Variants in TYW1B observed in about 807,000 individuals in gnomAD.
The protein encoded by TYW1B is tRNA-yW synthesizing protein 1 homolog B.
Under a neutral mutation model 86.9 loss-of-function variants are expected in TYW1B, and 73 were observed. The observed-to-expected ratio is 0.84, with a 90% CI of 0.70 to 1.02. The LOEUF is 1.02. Ranked by LOEUF, TYW1B falls within the 50% of genes least tolerant of loss-of-function variation. The pLI, the probability that TYW1B is intolerant of heterozygous loss-of-function variation, is 0.00. For missense variants in TYW1B, 637 were observed against 827.4 expected (o/e 0.77, Z 2.82); for synonymous variants, 248 against 292.8 (o/e 0.85, Z 1.56).
At chr7:72,656,667 G>A (rs1239471382) in intron 11 of TYW1B, among the ~76,000 whole-genome samples, 38 of 152,064 alleles carry the variant, frequency 2.5e-4, no homozygotes, top group South Asian at 6.2e-4. Context: ...GAAGAAAAGA[G>A]GTTTAATTAG....
intron 13 of TYW1B, among the ~76,000 whole-genome samples, chr7:72,592,354 T>C (rs1281782276): frequency 6.6e-6 from 1 of 152,090 alleles, no homozygotes; most frequent in Admixed American, 6.6e-5. Context: ...CTTTAGAATG[T>C]TAAATGCAAT....
intron 13 of TYW1B, among the ~76,000 whole-genome samples, chr7:72,613,198 A>AT (rs1242367164): frequency 6.6e-6 from 1 of 152,088 alleles, no homozygotes; most frequent in African/African-American, 2.4e-5. Flanking sequence ...ATCTGCCTAG[A>AT]TTAGGGGTTG....
chr7:72,794,490 A>G (rs1376960546), intron 6 of TYW1B, among the ~76,000 whole-genome samples: 2 of 151,634 alleles, frequency 1.3e-5, no homozygotes, highest in Non-Finnish European at 2.9e-5. Flanking sequence ...TGGGAGGCAG[A>G]GGTTGCAGTG....
At chr7:72,758,497 T>C (rs1787632858) in intron 7 of TYW1B, among the ~76,000 whole-genome samples, 1 of 152,138 alleles carries the variant, frequency 6.6e-6, no homozygotes. Flanking sequence ...GTTTGTTATC[T>C]GGTTCACATA....
intron 6 of TYW1B, among the ~76,000 whole-genome samples, chr7:72,779,060 A>G (rs1554471179): frequency 6.6e-6 from 1 of 151,840 alleles, no homozygotes; most frequent in African/African-American, 2.4e-5. Flanking sequence ...GGAGATACTC[A>G]TCAAATCTTA....
At chr7:72,596,203 A>AAAAAAAAAAAAAAAAAC (rs1811529050) in intron 13 of TYW1B, among the ~76,000 whole-genome samples, 1 of 146,636 alleles carries the variant, frequency 6.8e-6, no homozygotes, top group Admixed American at 6.9e-5. Context: ...AAAAAAAAAA[A>AAAAAAAAAAAAAAAAAC]AGACATCAAC....
intron 13 of TYW1B, among the ~76,000 whole-genome samples, chr7:72,615,842 A>G (rs1211521229): frequency 6.6e-6 from 1 of 152,154 alleles, no homozygotes; most frequent in Non-Finnish European, 1.5e-5. Context: ...CAGGAGACAC[A>G]GCTGAAGCAA....
At chr7:72,606,610 C>A (rs1238643313) in intron 13 of TYW1B, among the ~76,000 whole-genome samples, 1 of 58,934 alleles carries the variant, frequency 1.7e-5, no homozygotes, top group Admixed American at 1.5e-4. Context: ...CAATAAGGCC[C>A]CCCCCCCGCC....
At chr7:72,767,647 T>G (rs1554468781) in intron 7 of TYW1B, among the ~76,000 whole-genome samples, 1 of 151,918 alleles carries the variant, frequency 6.6e-6, no homozygotes, top group South Asian at 2.1e-4. Context: ...AAAAAAAACT[T>G]TGTCTTCATT....
chr7:72,698,761 CCA>C (rs1814386648), intron 10 of TYW1B, among the ~76,000 whole-genome samples: 1 of 152,130 alleles, frequency 6.6e-6, no homozygotes, highest in South Asian at 2.1e-4. Context: ...ATGGCAAAAT[CCA>C]CAGTGTGGCT....
intron 9 of TYW1B, among the ~76,000 whole-genome samples, chr7:72,715,403 G>A (rs1563069313): frequency 6.6e-6 from 1 of 152,212 alleles, no homozygotes; most frequent in Non-Finnish European, 1.5e-5. Context: ...ATTCCAGCAT[G>A]CAGCTTGGTT....
At chr7:72,583,277 G>A (rs531141651) in intron 13 of TYW1B, among the ~76,000 whole-genome samples, 72 of 152,300 alleles carry the variant, frequency 4.7e-4, no homozygotes, top group Non-Finnish European at 9.3e-4. Context: ...TTGAACCCGG[G>A]AGGTGGAGGT....
chr7:72,776,230 C>T (rs1203300603), intron 7 of TYW1B, among the ~76,000 whole-genome samples: 1 of 152,048 alleles, frequency 6.6e-6, no homozygotes, highest in Admixed American at 6.6e-5. Flanking sequence ...TAGTACTGTA[C>T]GGTTCTTCTA....
At chr7:72,657,072 C>A (rs1379848464) in intron 11 of TYW1B, among the ~76,000 whole-genome samples, 2 of 152,064 alleles carry the variant, frequency 1.3e-5, no homozygotes, top group East Asian at 1.9e-4. Context: ...TTATGAAATG[C>A]CTGAAAAGAA....
At position 72,619,238 on chromosome 7, in the gene TYW1B, A is replaced by G. The variant is rs181241932; in HGVS notation, c.1618-2399T>C. 5.9e-3 allele frequency among the ~76,000 whole-genome samples: 892 copies of G among 152,310 alleles called. 11 individuals are homozygous for G. The highest frequency in any genetic ancestry group is 0.02 in the African/African-American group (847 of 41,562). On this transcript the variant is annotated intron_variant, in intron 12 of 13. Coordinates refer to ENST00000620995, the MANE Select transcript of TYW1B (RefSeq NM_001145440.3). ...AAAAAAGCTTTCTTTTCCCCCCTCAAAAACCCTATGTCAATTAGTATTGGC... is the reference window on the plus strand; with the variant it reads ...AAAAAAGCTTTCTTTTCCCCCCTCAGAAACCCTATGTCAATTAGTATTGGC...
chr7:72,574,560 G>A lies in TYW1B; in HGVS notation c.*938C>T. On this transcript the variant is annotated 3_prime_UTR_variant, in exon 14 of 14. Transcript: ENST00000620995. ...TAATTCAATTTTTGCATAAAAGACT[G>A]TTAAAAGAATTTGCTAACTTGAAAA... is the stretch of plus-strand genomic sequence containing the variant. 2.0e-6 allele frequency: 2 copies of A among 982,886 alleles called. 1 individual carries two copies. Among genetic ancestry groups the A allele is most frequent in the Non-Finnish European group, 2.4e-6 (2 of 827,758 alleles). The allele number at this position is 982,886 out of a possible 1,614,324, so 60.9% of individuals were successfully genotyped here. A position where few individuals can be genotyped will look rare whatever the true frequency, so the allele number is the denominator to read the frequency against.
chr7:72,639,186 AT>A (rs1554441174), intron 11 of TYW1B, among the ~76,000 whole-genome samples: 1 of 152,098 alleles, frequency 6.6e-6, no homozygotes, highest in African/African-American at 2.4e-5. Context: ...CAGGAAATGC[AT>A]TAAAATGCAT....
chr7:72,642,243 A>G (rs1812818154), intron 11 of TYW1B, among the ~76,000 whole-genome samples: 1 of 152,096 alleles, frequency 6.6e-6, no homozygotes, highest in South Asian at 2.1e-4. Flanking sequence ...AAACAATAAA[A>G]CTCTTGGATG....
At chr7:72,710,821 CAA>C (rs782726188) in intron 10 of TYW1B, among the ~76,000 whole-genome samples, 2 of 152,166 alleles carry the variant, frequency 1.3e-5, no homozygotes, top group Non-Finnish European at 2.9e-5. Flanking sequence ...AATAAATAAA[CAA>C]ATATTTCAAG....
Sources: allele counts gnomAD v4.1 joint callset (sites outside exome capture counted in the v4.1 genomes callset), GRCh38; gene constraint gnomAD v4.1.1; transcripts MANE v1.5; gene names NCBI Gene and HGNC (gene_info 2026-07-23, HGNC 2026-07-21).